The following LRRC56 variants were observed in gnomAD, a reference collection of about 807,000 sequenced individuals.
LRRC56 encodes the protein leucine rich repeat containing 56, also known as leucine-rich repeat-containing protein 56.
A neutral mutation model predicts 47.8 loss-of-function variants in LRRC56; 41 were observed. The observed-to-expected ratio is 0.86, with a 90% CI of 0.67 to 1.11. The LOEUF is 1.11. LRRC56 is among the 50% of genes most tolerant of loss of function. LRRC56 has a pLI of 0.00. For missense variants in LRRC56, 759 were observed against 704.2 expected (o/e 1.08, Z -0.88); for synonymous variants, 387 against 311.2 (o/e 1.24, Z -2.56).
chr11:528,298 C>T, the LRRC56 span, among the ~76,000 whole-genome samples: 2 of 152,220 alleles, frequency 1.3e-5, no homozygotes, highest in African/African-American at 2.4e-5. Context: ...TGTGATCCGA[C>T]GGGCAGGCGG....
rs1035789214 is a variant in LRRC56, at chr11:541,722, T to C, written c.265+98T>C. The C allele has an allele frequency of 1.3e-6, 1 of 754,368 alleles. No individual in the cohort carries two copies. Among genetic ancestry groups the C allele is most frequent in the Non-Finnish European group, 2.1e-6 (1 of 482,242 alleles). 46.7% of individuals were successfully genotyped at this position (754,368 alleles called of 1,614,324 possible). On this transcript the variant is annotated intron_variant, in intron 5 of 13. Coordinates refer to ENST00000270115, the MANE Select transcript of LRRC56 (RefSeq NM_198075.4). This position sits in a 1 kb window ranked among gnomAD's most constrained non-coding sequence, Gnocchi z 4.1. ...TTATGACGACAAAGCTGTCCTCACC[T>C]CTCGGGCCGCGTATCGGCTTCCTTA...
chr11:535,649 C>T (rs8176333), upstream of LRRC56: 36,669 of 151,876 alleles, frequency 0.24, 4,833 homozygotes, highest in African/African-American at 0.34. Flanking sequence ...TCGGGCCCCG[C>T]CCCACCCCGG....
chr11:551,096 A>C, intron 8 of LRRC56, 35 bp from the exon 9 acceptor site: 1 of 1,211,318 alleles, frequency 8.3e-7, no homozygotes. Context: ...CTGGACCCAG[A>C]CCTGCCCTCC....
chr11:551,513 C>T (rs1852387844), intron 9 of LRRC56, 138 bp from the exon 10 acceptor site: 3 of 950,606 alleles, frequency 3.2e-6, no homozygotes, highest in African/African-American at 1.6e-5. Flanking sequence ...AAGATGAGGG[C>T]CTCTCTAGAA....
the LRRC56 span, among the ~76,000 whole-genome samples, chr11:523,877 G>A: frequency 5.3e-5 from 8 of 151,396 alleles, 1 homozygote; most frequent in Admixed American, 4.6e-4. Context: ...GCAGTGAGCC[G>A]AGATTGTGCC....
chr11:532,609 C>A (rs367794685), upstream of LRRC56: 44 of 1,601,888 alleles, frequency 2.7e-5, no homozygotes, highest in Non-Finnish European at 3.5e-5. Context: ...GGCGTGGCGG[C>A]CGCCCTGGGA....
intron 12 of LRRC56, 129 bp from the exon 13 acceptor site, chr11:552,440 C>T (rs761153746): frequency 5.9e-5 from 69 of 1,174,408 alleles, no homozygotes; most frequent in Non-Finnish European, 7.4e-5. Flanking sequence ...TGTCCTGTCC[C>T]GTGGGGGGAT....
upstream of LRRC56, among the ~76,000 whole-genome samples, chr11:533,097 G>A (rs543332590): frequency 1.2e-4 from 19 of 152,348 alleles, no homozygotes; most frequent in African/African-American, 4.3e-4. Flanking sequence ...ACAGGTGCCC[G>A]TGGGACACTC....
At chr11:516,999 A>C in the LRRC56 span, among the ~76,000 whole-genome samples, 5 of 151,874 alleles carry the variant, frequency 3.3e-5, no homozygotes, top group Admixed American at 2.6e-4. Context: ...GCAGGCATGC[A>C]CCGCCACGCC....
At chr11:539,908 T>C (rs1471314528) in intron 3 of LRRC56, among the ~76,000 whole-genome samples, 182 bp downstream of exon 3, 1 of 152,142 alleles carries the variant, frequency 6.6e-6, no homozygotes, top group East Asian at 1.9e-4. Context: ...AGGCATTGTG[T>C]TGGGGGACCC....
chr11:516,546 T>C, the LRRC56 span, among the ~76,000 whole-genome samples: 1 of 152,154 alleles, frequency 6.6e-6, no homozygotes, highest in Non-Finnish European at 1.5e-5. Context: ...AATACAAATA[T>C]AAGTGCACAC....
At chr11:536,097 T>TA (rs2134005615), upstream of LRRC56, among the ~76,000 whole-genome samples, 2 of 152,274 alleles carry the variant, frequency 1.3e-5, no homozygotes, top group South Asian at 4.1e-4. Context: ...GCACCCCACC[T>TA]ACCACCACGC....
At chr11:516,071 G>A in the LRRC56 span, among the ~76,000 whole-genome samples, 1 of 152,126 alleles carries the variant, frequency 6.6e-6, no homozygotes, top group Non-Finnish European at 1.5e-5. Flanking sequence ...TGTTACCAAT[G>A]CCACACTGTC....
At chr11:544,943 C>T (rs575733997) in intron 6 of LRRC56, among the ~76,000 whole-genome samples, 163 bp downstream of exon 6, 6 of 151,660 alleles carry the variant, frequency 4.0e-5, no homozygotes, top group South Asian at 2.1e-4. Context: ...CCTGACCCCA[C>T]GTGACCCTGT....
At position 554,159 on chromosome 11, in the gene LRRC56, G is replaced by A. The variant is rs776712177; in HGVS notation, c.1512G>A (p.Val504=). The change falls in exon 14 of 14, where the codon GTG becomes GTA. Residue 504 remains valine (V), a synonymous_variant. Coordinates refer to ENST00000270115, the MANE Select transcript of LRRC56 (RefSeq NM_198075.4). ...AAVPVLRALE[V]ASRLSPRAQG... ...TGCCTGTCCTGAGAGCCCTGGAGGT[G>A]GCCTCACGCCTGAGCCCTCGAGCCC... 2 of 1,594,910 alleles carry A rather than the reference G, an allele frequency of 1.3e-6. No individual in the cohort carries two copies. The highest frequency in any genetic ancestry group is 2.2e-5 in the East Asian group (1 of 44,526).
chr11:520,354 T>C, the LRRC56 span, among the ~76,000 whole-genome samples: 6 of 152,038 alleles, frequency 3.9e-5, no homozygotes, highest in Non-Finnish European at 2.9e-5. Flanking sequence ...GGAATCTCGC[T>C]CTGTCGCCCA....
chr11:527,365 CTG>C, the LRRC56 span, among the ~76,000 whole-genome samples: 1 of 152,176 alleles, frequency 6.6e-6, no homozygotes. Context: ...GCAGTGAACT[CTG>C]GGACTCACGC....
At chr11:552,490 A>C (rs1284716679) in intron 12 of LRRC56, 79 bp from the exon 13 acceptor site, 2 of 1,363,006 alleles carry the variant, frequency 1.5e-6, no homozygotes, top group African/African-American at 1.5e-5. Flanking sequence ...CCCCAGTCCC[A>C]AGGCTCATGG....
upstream of LRRC56, chr11:535,503 A>G (rs1200237409): frequency 2.0e-5 from 3 of 147,352 alleles, no homozygotes; most frequent in African/African-American, 4.9e-5. Context: ...CGCCCCGCGC[A>G]TGGGCTCCGT....
Sources: gnomAD v4.1 joint callset for allele counts (sites outside exome capture counted in the v4.1 genomes callset) on GRCh38, gnomAD v4.1.1 for gene constraint, Gnocchi (gnomAD v3.1) non-coding constraint, MANE v1.5 for transcripts, NCBI Gene and HGNC (gene_info 2026-07-23, HGNC 2026-07-21) for gene names.